The following WDR70 variants were observed in gnomAD, a reference collection of about 807,000 sequenced individuals.
WDR70 encodes the protein WD repeat domain 70, also known as WD repeat-containing protein 70.
A neutral mutation model predicts 88.6 loss-of-function variants in WDR70; 53 were observed. That is an observed-to-expected ratio of 0.60 (90% CI 0.48 to 0.75). The LOEUF is 0.75. Among genes scored for constraint, WDR70 ranks in the 30% least tolerant of loss-of-function variants. The pLI, the probability that WDR70 is intolerant of heterozygous loss-of-function variation, is 0.00. For missense variants in WDR70, 610 were observed against 823.2 expected (o/e 0.74, Z 3.17); for synonymous variants, 280 against 270.0 (o/e 1.04, Z -0.36).
intron 9 of WDR70, among the ~76,000 whole-genome samples, chr5:37,557,959 T>TTTGAAAACTCTTCAAAA: frequency 1.4e-5 from 2 of 146,504 alleles, no homozygotes; most frequent in African/African-American, 5.0e-5. Flanking sequence ...AAAAGAGTAT[T>TTTGAAAACTCTTCAAAA]ATGTATATTT....
chr5:37,752,630 T>G lies in WDR70; in HGVS notation c.*57T>G, dbSNP rs944194721. ...GGGAGGGGTATGGGACAGGTTTGGGTTTTTTTTTTATGCTCATGAAATTAA... is the reference window on the plus strand; with the variant it reads ...GGGAGGGGTATGGGACAGGTTTGGGGTTTTTTTTTATGCTCATGAAATTAA... On this transcript the variant is annotated 3_prime_UTR_variant, in exon 18 of 18. Transcript: ENST00000265107. 4.9e-5 allele frequency: 52 copies of G among 1,056,708 alleles called. No individual in the cohort carries two copies. Among genetic ancestry groups the G allele is most frequent in the East Asian group, 2.9e-4 (10 of 34,170 alleles). 65.5% of individuals were successfully genotyped at this position (1,056,708 alleles called of 1,614,324 possible).
chr5:37,481,417 C>T (rs1739666100), intron 8 of WDR70, among the ~76,000 whole-genome samples: 1 of 152,142 alleles, frequency 6.6e-6, no homozygotes, highest in African/African-American at 2.4e-5. Flanking sequence ...GTTCACGAAC[C>T]TTAATTCTTG....
chr5:37,737,981 G>A (rs1431996502), intron 17 of WDR70, among the ~76,000 whole-genome samples: 1 of 148,080 alleles, frequency 6.8e-6, no homozygotes, highest in Non-Finnish European at 1.5e-5. Context: ...GAAGAAAATA[G>A]AAAATGCTTT....
At chr5:37,506,875 G>T (rs1426952738) in intron 8 of WDR70, 2 of 1,174,122 alleles carry the variant, frequency 1.7e-6, no homozygotes, top group Non-Finnish European at 2.6e-6. Flanking sequence ...GCCCCCGGTG[G>T]GTCCTGAGTG....
At chr5:37,492,152 A>G (rs957350362) in intron 8 of WDR70, among the ~76,000 whole-genome samples, 7 of 152,230 alleles carry the variant, frequency 4.6e-5, no homozygotes, top group Non-Finnish European at 7.3e-5. Flanking sequence ...GCCTCAAAAG[A>G]CAAAGCTAGG....
At chr5:37,587,531 C>G (rs2112439239) in intron 9 of WDR70, among the ~76,000 whole-genome samples, 1 of 152,068 alleles carries the variant, frequency 6.6e-6, no homozygotes, top group Middle Eastern at 3.4e-3. Context: ...CTTCCTAGAT[C>G]TTTCCCAATG....
intron 5 of WDR70, among the ~76,000 whole-genome samples, chr5:37,421,532 T>C (rs1181543050): frequency 1.3e-5 from 2 of 152,242 alleles, no homozygotes; most frequent in African/African-American, 4.8e-5. Flanking sequence ...TGTGAAAATC[T>C]TCACTGACTC....
rs532854652 is a variant in WDR70, at chr5:37,540,353, A to G, written c.917+23763A>G. ...AAAGTTAGACCTATCCTGCTGTTAT[A>G]TATAATTCATTTTCTACTAACATTG... On this transcript the variant is annotated intron_variant, in intron 9 of 17. Transcript: ENST00000265107. Among the ~76,000 whole-genome samples, 19 of 152,196 alleles carry G rather than the reference A, an allele frequency of 1.2e-4. No homozygotes were observed. The East Asian group carries it at 3.5e-3, about 28-fold the overall frequency.
At chr5:37,616,170 G>A (rs1427193376) in intron 10 of WDR70, among the ~76,000 whole-genome samples, 1 of 151,906 alleles carries the variant, frequency 6.6e-6, no homozygotes, top group African/African-American at 2.4e-5. Flanking sequence ...AGGCTGGAGT[G>A]CAGTGGTGCA....
Position 37,721,169 on chromosome 5 carries a change from G to C in WDR70, c.1471G>C (p.Gly491Arg). The C allele has an allele frequency of 3.1e-6, 5 of 1,613,728 alleles. No individual in the cohort carries two copies. Among genetic ancestry groups the C allele is most frequent in the Non-Finnish European group, 4.2e-6 (5 of 1,179,732 alleles). ...GCTGAACCAGATCATGGTTGGAACTGGAAATGGATTGGCTAAAGTCTATTA... is the reference window on the plus strand; with the variant it reads ...GCTGAACCAGATCATGGTTGGAACTCGAAATGGATTGGCTAAAGTCTATTA... ...PKLNQIMVGT[G>R]NGLAKVYYDP... The change falls in exon 14 of 18, where the codon GGA (glycine) becomes CGA (arginine). Residue 491 changes from glycine (G) to arginine (R), a missense_variant. This residue lies in a region of WDR70 where 254 missense variants were observed against 300.7 expected (regional missense o/e 0.84). Coordinates refer to ENST00000265107, the MANE Select transcript of WDR70 (RefSeq NM_018034.4).
At chr5:37,577,644 T>C (rs1743097073) in intron 9 of WDR70, among the ~76,000 whole-genome samples, 1 of 152,154 alleles carries the variant, frequency 6.6e-6, no homozygotes, top group African/African-American at 2.4e-5. Flanking sequence ...AGGCTACATG[T>C]GCATTGTAGG....
intron 16 of WDR70, 77 bp from the exon 17 acceptor site, chr5:37,726,806 G>A (rs1747982376): frequency 7.1e-7 from 1 of 1,402,672 alleles, no homozygotes; most frequent in African/African-American, 1.5e-5. Context: ...GCTCAGATAA[G>A]TACAGTGTAC....
intron 9 of WDR70, among the ~76,000 whole-genome samples, chr5:37,531,759 T>TGTTA (rs1475473952): frequency 1.3e-5 from 2 of 152,018 alleles, no homozygotes; most frequent in African/African-American, 4.8e-5. Flanking sequence ...TTACGTTCAA[T>TGTTA]GTTATTATTG....
chr5:37,516,725 AT>A (rs71904509), intron 9 of WDR70, 135 bp downstream of exon 9: 15,179 of 127,902 alleles, frequency 0.12, 867 homozygotes, highest in South Asian at 0.23. Flanking sequence ...ATATATATAT[AT>A]TTTTTTTTTT....
intron 8 of WDR70, among the ~76,000 whole-genome samples, chr5:37,504,595 C>A (rs1252796658): frequency 1.3e-5 from 2 of 152,160 alleles, no homozygotes; most frequent in East Asian, 3.8e-4. Flanking sequence ...CAATACAATA[C>A]TTTCTGTCTT....
chr5:37,547,357 T>A (rs1053663378), intron 9 of WDR70, among the ~76,000 whole-genome samples: 2 of 152,214 alleles, frequency 1.3e-5, no homozygotes, highest in South Asian at 4.1e-4. Context: ...TGCAAAGACT[T>A]GCATATTATA....
At chr5:37,432,821 C>T (rs1280399518) in intron 5 of WDR70, among the ~76,000 whole-genome samples, 18 of 152,184 alleles carry the variant, frequency 1.2e-4, no homozygotes, top group Middle Eastern at 3.4e-3. Flanking sequence ...CCTTGGCCTC[C>T]GAAAGTGCTG....
chr5:37,658,502 C>G (rs563038738), intron 10 of WDR70, among the ~76,000 whole-genome samples: 17 of 152,274 alleles, frequency 1.1e-4, no homozygotes, highest in African/African-American at 3.9e-4. Context: ...TGCGTTGCCT[C>G]TTTCCTTGCC....
At chr5:37,413,786 G>A (rs1488742561) in intron 5 of WDR70, among the ~76,000 whole-genome samples, 2 of 150,036 alleles carry the variant, frequency 1.3e-5, no homozygotes, top group African/African-American at 4.9e-5. Flanking sequence ...CTTTAATATT[G>A]AAGTCTATAA....
Sources: gnomAD v4.1 joint callset for allele counts (sites outside exome capture counted in the v4.1 genomes callset) on GRCh38, gnomAD v4.1.1 for gene constraint, gnomAD v4.1.1 regional missense constraint, MANE v1.5 for transcripts, NCBI Gene and HGNC (gene_info 2026-07-23, HGNC 2026-07-21) for gene names.